MAGOHB: variants seen among roughly 807,000 people sequenced by gnomAD.
The protein encoded by MAGOHB is protein mago nashi homolog 2.
A neutral mutation model predicts 20.9 loss-of-function variants in MAGOHB; 15 were observed. That is an observed-to-expected ratio of 0.72 (90% CI 0.48 to 1.11). MAGOHB has a LOEUF of 1.11. Ranked by LOEUF, MAGOHB falls within the 50% of genes least tolerant of loss-of-function variation. MAGOHB has a pLI of 0.00. For synonymous variants in MAGOHB, 50 were observed against 57.9 expected, an observed-to-expected ratio of 0.86 and a Z score of 0.62; for missense variants, 162 against 177.6, an observed-to-expected ratio of 0.91 and a Z score of 0.50.
At chr12:10,600,464 C>T (rs1432248715), downstream of MAGOHB, among the ~76,000 whole-genome samples, 1 of 151,592 alleles carries the variant, frequency 6.6e-6, no homozygotes, top group East Asian at 1.9e-4. Flanking sequence ...ATTTAAAGAA[C>T]TCTAATATAT....
downstream of MAGOHB, among the ~76,000 whole-genome samples, chr12:10,600,968 T>A (rs577444967): frequency 6.6e-6 from 1 of 152,306 alleles, no homozygotes; most frequent in African/African-American, 2.4e-5. Flanking sequence ...CTAATTTTAC[T>A]CAATAATGTA....
chr12:10,611,449 G>A (rs1462135773), intron 1 of MAGOHB, among the ~76,000 whole-genome samples: 1 of 151,994 alleles, frequency 6.6e-6, no homozygotes, highest in Non-Finnish European at 1.5e-5. Context: ...AGAAATGACA[G>A]TCTTTGATGG....
At chr12:10,610,056 T>C (rs1865696013) in intron 2 of MAGOHB, 115 bp from the exon 3 acceptor site, 2 of 578,762 alleles carry the variant, frequency 3.5e-6, no homozygotes, top group East Asian at 6.1e-5. Context: ...AAAAATTTAA[T>C]TGATTCCAAA....
chr12:10,606,994 A>G (rs893312396), intron 4 of MAGOHB, among the ~76,000 whole-genome samples: 2 of 152,172 alleles, frequency 1.3e-5, no homozygotes, highest in African/African-American at 4.8e-5. Context: ...ATATTACCAA[A>G]CTGCTTTCCA....
chr12:10,605,814 C>T lies in MAGOHB; in HGVS notation c.*461G>A, dbSNP rs1865618901. ...AAAAAAAACTAGACCTTGTATAAGC[C>T]CCCCAAAATTAAATCCAATCATGTA... On this transcript the variant is annotated 3_prime_UTR_variant, in exon 5 of 5. Transcript: ENST00000320756. 6.6e-6 allele frequency: 1 copy of T among 152,100 alleles called. No homozygotes were observed. Among genetic ancestry groups the T allele is most frequent in the African/African-American group, 2.4e-5 (1 of 41,388 alleles). 9.4% of individuals were successfully genotyped at this position (152,100 alleles called of 1,614,324 possible). A position where few individuals can be genotyped will look rare whatever the true frequency, so the allele number is the denominator to read the frequency against.
chr12:10,611,804 A>G (rs1258860070), intron 1 of MAGOHB, among the ~76,000 whole-genome samples: 2 of 148,722 alleles, frequency 1.3e-5, no homozygotes. Context: ...GGGAGGCTCA[A>G]TATCACCAAT....
chr12:10,606,129 A>G lies in MAGOHB; in HGVS notation c.*146T>C. On this transcript the variant is annotated 3_prime_UTR_variant, in exon 5 of 5. Transcript: ENST00000320756. ...ATGGACTCAAGTAAGGATAACCATT[A>G]AGCTTGCTAATGTATTTTCTTATTT... The G allele has an allele frequency of 1.9e-6, 1 of 530,428 alleles. No individual in the cohort carries two copies. The allele number at this position is 530,428 out of a possible 1,614,324, so 32.9% of individuals were successfully genotyped here.
At chr12:10,611,794 G>C (rs1865747163) in intron 1 of MAGOHB, among the ~76,000 whole-genome samples, 1 of 145,770 alleles carries the variant, frequency 6.9e-6, no homozygotes, top group Admixed American at 6.9e-5. Flanking sequence ...ACGCGTCTTC[G>C]GGAGGCTCAA....
In MAGOHB at chr12:10,611,306, G is replaced by A. The variant is rs144359825; in HGVS notation, c.95-626C>T. Among the ~76,000 whole-genome samples, 464 of 152,302 alleles carry A rather than the reference G, an allele frequency of 3.0e-3. 1 individual carries two copies. Among genetic ancestry groups the A allele is most frequent in the African/African-American group, 9.9e-3 (413 of 41,544 alleles). On this transcript the variant is annotated intron_variant, in intron 1 of 4. Coordinates refer to ENST00000320756, the MANE Select transcript of MAGOHB (RefSeq NM_018048.5). ...CAAACGATGCTTCTGGATCAAAGTT[G>A]ATGAGTTTGTTAGCTAGTTTATATT...
chr12:10,613,189 T>G (rs1417668213), intron 1 of MAGOHB, among the ~76,000 whole-genome samples: 1 of 152,120 alleles, frequency 6.6e-6, no homozygotes, highest in Non-Finnish European at 1.5e-5. Context: ...CGATCTAGAG[T>G]CCCTTCTGGT....
At chr12:10,611,220 C>T (rs1254664426) in intron 1 of MAGOHB, among the ~76,000 whole-genome samples, 1 of 152,084 alleles carries the variant, frequency 6.6e-6, no homozygotes, top group Non-Finnish European at 1.5e-5. Flanking sequence ...AAATTTTTTT[C>T]CTTCAAATGT....
In MAGOHB at chr12:10,607,870, C is replaced by A. The variant is rs751731737; in HGVS notation, c.331G>T (p.Asp111Tyr). 3 of 1,588,434 alleles carry A rather than the reference C, an allele frequency of 1.9e-6. No individual in the cohort carries two copies. The highest frequency in any genetic ancestry group is 2.7e-5 in the African/African-American group (2 of 73,740). Residue 111 changes from aspartate to tyrosine, a missense_variant, in exon 4 of 5, where the codon GAT becomes TAT. By Grantham distance (160) the Asp-to-Tyr change is radical. Coordinates refer to ENST00000320756, the MANE Select transcript of MAGOHB (RefSeq NM_018048.5). ...FTTSKIGSLI[D>Y]VNQSKDPEGL... ...CATACTTACTTTGACTGATTTACAT[C>A]AATAAGAGAACCTATTTTTGATGTG...
chr12:10,610,552 A>G lies in MAGOHB; in HGVS notation c.153+70T>C, dbSNP rs1043999501. ...AGATGTACTTTTTTAAATTCAACACAGACTTGAAGAAAATGGGCTAAATGC... is the reference window on the plus strand; with the variant it reads ...AGATGTACTTTTTTAAATTCAACACGGACTTGAAGAAAATGGGCTAAATGC... On this transcript the variant is annotated intron_variant, in intron 2 of 4. Coordinates refer to ENST00000320756, the MANE Select transcript of MAGOHB (RefSeq NM_018048.5). 4.9e-6 allele frequency: 7 copies of G among 1,440,186 alleles called. No individual in the cohort carries two copies. The African/African-American group carries it at 1.0e-4, about 21-fold the overall frequency. The allele number at this position is 1,440,186 out of a possible 1,614,324, so 89.2% of individuals were successfully genotyped here. A position where few individuals can be genotyped will look rare whatever the true frequency, so the allele number is the denominator to read the frequency against.
chr12:10,613,440 G>C lies in MAGOHB; in HGVS notation c.93C>G (p.Asp31Glu). 6.2e-7 allele frequency: 1 copy of C among 1,613,860 alleles called. No homozygotes were observed. Among genetic ancestry groups the C allele is most frequent in the Non-Finnish European group, 8.5e-7 (1 of 1,179,820 alleles). ...HEFLEFEFRP[D>E]GKLRYANNSN... Reference sequence around the variant, plus strand: ...CGCGTGCCGTGGGCCTCTTCTCACCGTCCGGCCGAAATTCGAACTCCAGAA... The same window carrying C: ...CGCGTGCCGTGGGCCTCTTCTCACCCTCCGGCCGAAATTCGAACTCCAGAA... The change falls in exon 1 of 5, where the codon GAC becomes GAG. Residue 31 changes from aspartate to glutamate, a missense_variant and splice_region_variant. Coordinates refer to ENST00000320756, the MANE Select transcript of MAGOHB (RefSeq NM_018048.5).
chr12:10,603,436 C>T (rs1233756762), downstream of MAGOHB, among the ~76,000 whole-genome samples: 3 of 151,978 alleles, frequency 2.0e-5, no homozygotes, highest in Non-Finnish European at 4.4e-5. Flanking sequence ...CATACATTGT[C>T]CCAACTGAAC....
intron 1 of MAGOHB, chr12:10,612,877 T>C (rs1353592754): frequency 7.8e-7 from 1 of 1,289,110 alleles, no homozygotes; most frequent in South Asian, 1.2e-5. Context: ...AAGTCTCTCA[T>C]TTCGAGACTC....
intron 4 of MAGOHB, 150 bp from the exon 5 acceptor site, chr12:10,606,524 T>C: frequency 3.4e-6 from 2 of 591,078 alleles, no homozygotes; most frequent in South Asian, 2.2e-5. Context: ...AAAATGAACA[T>C]ACAATTAATA....
intron 3 of MAGOHB, chr12:10,609,533 A>G (rs1865685717): frequency 2.4e-6 from 1 of 411,402 alleles, no homozygotes; most frequent in African/African-American, 2.0e-5. Flanking sequence ...TCTTAATAAA[A>G]GTGATTAACA....
chr12:10,606,768 TA>T (rs564278730), intron 4 of MAGOHB, among the ~76,000 whole-genome samples: 2,976 of 145,894 alleles, frequency 0.02, 98 homozygotes, highest in African/African-American at 0.063. Context: ...CCCACAGCAT[TA>T]AAAAAAAAAA....
Sources: allele counts gnomAD v4.1 joint callset (sites outside exome capture counted in the v4.1 genomes callset), GRCh38; gene constraint gnomAD v4.1.1; transcripts MANE v1.5; gene names NCBI Gene and HGNC (gene_info 2026-07-23, HGNC 2026-07-21).